ELMO1: variants seen among roughly 807,000 people sequenced by gnomAD.
ELMO1 encodes the protein engulfment and cell motility 1.
A neutral mutation model predicts 98.9 loss-of-function variants in ELMO1; 26 were observed. The ratio of observed to expected loss-of-function variants is 0.26; its 90% CI spans 0.19 to 0.36. ELMO1 has a LOEUF of 0.36. Among genes scored for constraint, ELMO1 ranks in the 10% least tolerant of loss-of-function variants. ELMO1 has a pLI of 1.00. For synonymous variants in ELMO1, 346 were observed against 346.0 expected, an observed-to-expected ratio of 1.00 and a Z score of 0.00; for missense variants, 627 against 935.2, an observed-to-expected ratio of 0.67 and a Z score of 4.30.
intron 16 of ELMO1, among the ~76,000 whole-genome samples, chr7:36,912,815 G>C (rs1159815848): frequency 1.3e-5 from 2 of 152,164 alleles, no homozygotes; most frequent in Non-Finnish European, 2.9e-5. Flanking sequence ...CTCAAGCATA[G>C]TTACGAATAT....
At chr7:37,295,473 G>A (rs1183267351) in intron 4 of ELMO1, among the ~76,000 whole-genome samples, 2 of 152,188 alleles carry the variant, frequency 1.3e-5, no homozygotes, top group Non-Finnish European at 2.9e-5. Flanking sequence ...TCATCTGTCT[G>A]AAACGATGGC....
chr7:36,989,039 A>G (rs1249280931), intron 16 of ELMO1, among the ~76,000 whole-genome samples: 2 of 152,216 alleles, frequency 1.3e-5, no homozygotes, highest in Non-Finnish European at 2.9e-5. Flanking sequence ...TCTAGCTAAC[A>G]TTTATTGAGC....
intron 16 of ELMO1, among the ~76,000 whole-genome samples, chr7:36,950,624 A>C (rs1787891332): frequency 6.6e-6 from 1 of 152,084 alleles, no homozygotes; most frequent in South Asian, 2.1e-4. Flanking sequence ...CTGACTCAAT[A>C]TTTTTCTGAC....
chr7:37,394,792 G>C (rs1803222332), intron 1 of ELMO1, among the ~76,000 whole-genome samples: 1 of 152,142 alleles, frequency 6.6e-6, no homozygotes, highest in Non-Finnish European at 1.5e-5. Flanking sequence ...GCTTTGATCA[G>C]GATGTAGATG....
intron 16 of ELMO1, among the ~76,000 whole-genome samples, chr7:37,001,904 G>A (rs983314447): frequency 6.6e-6 from 1 of 152,214 alleles, no homozygotes; most frequent in Admixed American, 6.5e-5. Flanking sequence ...AGTTTTAAAA[G>A]CAAGAATGAT....
chr7:37,128,856 A>G (rs750283798), intron 14 of ELMO1, among the ~76,000 whole-genome samples: 1 of 152,184 alleles, frequency 6.6e-6, no homozygotes, highest in Non-Finnish European at 1.5e-5. Flanking sequence ...GTGCCTGCTC[A>G]CAAGACATTT....
At chr7:37,199,409 A>G (rs1792158160) in intron 13 of ELMO1, among the ~76,000 whole-genome samples, 1 of 152,172 alleles carries the variant, frequency 6.6e-6, no homozygotes. Context: ...GCAGTGAGCC[A>G]TGATGATGCC....
chr7:37,445,255 C>T (rs1049177692), intron 1 of ELMO1, among the ~76,000 whole-genome samples: 10 of 152,222 alleles, frequency 6.6e-5, no homozygotes, highest in Non-Finnish European at 1.5e-4. Context: ...TAGTAGCAAA[C>T]ACTCCAGGCT....
chr7:36,931,495 G>A (rs1786032126), intron 16 of ELMO1, among the ~76,000 whole-genome samples: 1 of 152,206 alleles, frequency 6.6e-6, no homozygotes, highest in African/African-American at 2.4e-5. Flanking sequence ...CAGCTACTGG[G>A]GAGGTTGAGG....
At chr7:37,319,564 AT>A (rs1799372666) in intron 2 of ELMO1, among the ~76,000 whole-genome samples, 6 of 152,076 alleles carry the variant, frequency 3.9e-5, no homozygotes, top group Admixed American at 3.9e-4. Context: ...ATTAATAACT[AT>A]TTGCCATGAA....
intron 15 of ELMO1, among the ~76,000 whole-genome samples, chr7:37,073,854 T>C (rs1394576311): frequency 6.6e-6 from 1 of 151,696 alleles, no homozygotes; most frequent in Admixed American, 6.6e-5. Flanking sequence ...AGTATTGGGA[T>C]TACAGGAAAG....
intron 1 of ELMO1, among the ~76,000 whole-genome samples, chr7:37,410,260 A>G (rs1803943317): frequency 6.6e-6 from 1 of 152,260 alleles, no homozygotes; most frequent in Non-Finnish European, 1.5e-5. Context: ...AAAGCTCCCT[A>G]AAGTTTTGCT....
chr7:37,317,387 A>G lies in ELMO1; in HGVS notation c.79-1427T>C, dbSNP rs547827468. ...AAACACACTTGGAGGTGTTTGTTGC[A>G]GCACTATTCACAATATCCAAGATTT... On this transcript the variant is annotated intron_variant, in intron 2 of 21. Transcript: ENST00000310758. Among the ~76,000 whole-genome samples the G allele has an allele frequency of 2.6e-5, 4 of 152,360 alleles. No homozygotes were observed. The South Asian group carries it at 8.3e-4, about 32-fold the overall frequency.
At chr7:37,321,716 CAAAAAAAAA>C (rs565421716) in intron 2 of ELMO1, among the ~76,000 whole-genome samples, 5 of 66,086 alleles carry the variant, frequency 7.6e-5, no homozygotes, top group East Asian at 3.9e-4. Flanking sequence ...GACTCCGTCT[CAAAAAAAAA>C]AAAAAAAAAA....
intron 4 of ELMO1, among the ~76,000 whole-genome samples, chr7:37,290,097 A>C (rs1797598107): frequency 6.6e-6 from 1 of 152,236 alleles, no homozygotes; most frequent in Non-Finnish European, 1.5e-5. Flanking sequence ...TAATGACCAG[A>C]AAAAGCATTT....
chr7:36,937,297 A>C (rs373607844), intron 16 of ELMO1, among the ~76,000 whole-genome samples: 1 of 152,226 alleles, frequency 6.6e-6, no homozygotes, highest in African/African-American at 2.4e-5. Flanking sequence ...ATATGAAGAC[A>C]GTCACACAGG....
chr7:36,913,353 T>C (rs1784467820), intron 16 of ELMO1, among the ~76,000 whole-genome samples: 2 of 152,226 alleles, frequency 1.3e-5, no homozygotes, highest in South Asian at 4.1e-4. Context: ...GGGAATAGAA[T>C]GTATTTAATA....
intron 1 of ELMO1, among the ~76,000 whole-genome samples, chr7:37,399,551 A>G (rs928952143): frequency 6.6e-6 from 1 of 152,192 alleles, no homozygotes; most frequent in African/African-American, 2.4e-5. Flanking sequence ...TGTCAAGTAC[A>G]TGGAGAAGGA....
chr7:37,386,311 G>C (rs1411532362), intron 1 of ELMO1, among the ~76,000 whole-genome samples: 1 of 151,916 alleles, frequency 6.6e-6, no homozygotes, highest in Non-Finnish European at 1.5e-5. Context: ...TGGAAAATGG[G>C]CAGAAGGTGA....
Sources: gnomAD v4.1 joint callset for allele counts (sites outside exome capture counted in the v4.1 genomes callset) on GRCh38, gnomAD v4.1.1 for gene constraint, MANE v1.5 for transcripts, NCBI Gene and HGNC (gene_info 2026-07-23, HGNC 2026-07-21) for gene names.